Variants in SLC35F3 observed in about 807,000 individuals in gnomAD.
The protein encoded by SLC35F3 is putative thiamine transporter SLC35F3.
Under a neutral mutation model 49.9 loss-of-function variants are expected in SLC35F3, and 25 were observed. The ratio of observed to expected loss-of-function variants is 0.50; its 90% CI spans 0.37 to 0.70. The LOEUF is 0.70. Among genes scored for constraint, SLC35F3 ranks in the 30% least tolerant of loss-of-function variants. The pLI is 0.00. For missense variants in SLC35F3, 525 were observed against 639.8 expected, an observed-to-expected ratio of 0.82 and a Z score of 1.94; for synonymous variants, 275 against 265.4, an observed-to-expected ratio of 1.04 and a Z score of -0.35.
intron 2 of SLC35F3, among the ~76,000 whole-genome samples, chr1:234,099,340 T>C (rs1665179451): frequency 6.6e-6 from 1 of 152,148 alleles, no homozygotes; most frequent in African/African-American, 2.4e-5. Context: ...GGCCGTGCGC[T>C]GTGGCTCACG....
intron 2 of SLC35F3, among the ~76,000 whole-genome samples, chr1:234,115,278 C>G (rs1462663270): frequency 1.3e-5 from 2 of 152,204 alleles, no homozygotes; most frequent in African/African-American, 2.4e-5. Context: ...ATTGCTGCCC[C>G]TTTTACTCCT....
At chr1:233,976,386 T>C (rs559254280) in intron 2 of SLC35F3, among the ~76,000 whole-genome samples, 1 of 152,340 alleles carries the variant, frequency 6.6e-6, no homozygotes, top group East Asian at 1.9e-4. Context: ...TACGCAAAAG[T>C]AGGGAGCAGA....
chr1:233,952,496 GT>G (rs1662624532), intron 2 of SLC35F3, among the ~76,000 whole-genome samples: 1 of 152,114 alleles, frequency 6.6e-6, no homozygotes, highest in Admixed American at 6.5e-5. Context: ...ATAAACTGTG[GT>G]TTTTCATAGG....
intron 2 of SLC35F3, among the ~76,000 whole-genome samples, chr1:234,001,157 T>C (rs536171106): frequency 4.7e-4 from 72 of 152,298 alleles, no homozygotes; most frequent in Middle Eastern, 3.4e-3. Flanking sequence ...TGGACCAAGA[T>C]GGATGGCAAG....
chr1:234,180,704 A>G (rs986472333), intron 2 of SLC35F3, among the ~76,000 whole-genome samples: 31 of 152,360 alleles, frequency 2.0e-4, no homozygotes, highest in African/African-American at 6.7e-4. Flanking sequence ...TTTGAATCCC[A>G]TAACGTTTAG....
rs1482327653 is a variant in SLC35F3 at position 234,172,768 on chromosome 1, G to T, written c.284-58649G>T. On this transcript the variant is annotated intron_variant, in intron 2 of 7. Coordinates refer to ENST00000366618, the MANE Select transcript of SLC35F3 (RefSeq NM_173508.4). ...TTGTAACACAATGGCAAGTATTTGT[G>T]TCTCTAAACATATCTAAATGTAGAA... Among the ~76,000 whole-genome samples, 3 of 152,296 alleles carry T rather than the reference G, an allele frequency of 2.0e-5. No homozygotes were observed. The East Asian group carries it at 5.8e-4, about 29-fold the overall frequency.
intron 2 of SLC35F3, among the ~76,000 whole-genome samples, chr1:233,950,667 A>T (rs935628294): frequency 3.9e-5 from 6 of 152,016 alleles, no homozygotes; most frequent in Non-Finnish European, 7.4e-5. Flanking sequence ...CAAAAATGGC[A>T]GAGAAAAACA....
chr1:234,117,790 G>T (rs2102891227), intron 2 of SLC35F3, among the ~76,000 whole-genome samples: 1 of 151,270 alleles, frequency 6.6e-6, no homozygotes, highest in African/African-American at 2.4e-5. Context: ...GGAGGCTGAG[G>T]CAGGAGAATG....
chr1:234,112,255 G>A (rs1321749623), intron 2 of SLC35F3, among the ~76,000 whole-genome samples: 2 of 152,204 alleles, frequency 1.3e-5, no homozygotes, highest in East Asian at 3.9e-4. Context: ...GGAGGCTGAG[G>A]TAGGAGGATT....
chr1:234,216,130 C>G (rs1208965343), intron 2 of SLC35F3, among the ~76,000 whole-genome samples: 1 of 152,200 alleles, frequency 6.6e-6, no homozygotes, highest in Non-Finnish European at 1.5e-5. Context: ...TAAGCCTACC[C>G]AGACATTGCC....
At chr1:233,929,658 G>A (rs1662211855) in intron 2 of SLC35F3, among the ~76,000 whole-genome samples, 1 of 152,168 alleles carries the variant, frequency 6.6e-6, no homozygotes, top group Non-Finnish European at 1.5e-5. Flanking sequence ...CTTTGGAAAT[G>A]AGAGGAATGA....
intron 2 of SLC35F3, among the ~76,000 whole-genome samples, chr1:234,127,443 G>A (rs1261181679): frequency 3.9e-5 from 6 of 152,120 alleles, no homozygotes; most frequent in African/African-American, 1.2e-4. Flanking sequence ...CTCTTACATC[G>A]TGTGCTGCCA....
chr1:233,920,218 G>A (rs1169716124), intron 2 of SLC35F3, among the ~76,000 whole-genome samples: 2 of 152,208 alleles, frequency 1.3e-5, no homozygotes, highest in Non-Finnish European at 2.9e-5. Flanking sequence ...AAGAAAAAGG[G>A]AGGTCACAGA....
chr1:234,162,598 C>T (rs896998407), intron 2 of SLC35F3, among the ~76,000 whole-genome samples: 1 of 152,010 alleles, frequency 6.6e-6, no homozygotes, highest in Non-Finnish European at 1.5e-5. Context: ...CTGCTCTCCC[C>T]AGCCCAGCCC....
chr1:234,298,831 T>A (rs1572141141), intron 3 of SLC35F3, among the ~76,000 whole-genome samples: 1 of 152,276 alleles, frequency 6.6e-6, no homozygotes, highest in East Asian at 1.9e-4. Context: ...ATTATAAAAG[T>A]TGGAGAAAAT....
chr1:234,281,623 G>C (rs1396751338), intron 3 of SLC35F3, among the ~76,000 whole-genome samples: 2 of 152,152 alleles, frequency 1.3e-5, no homozygotes, highest in East Asian at 3.8e-4. Context: ...ATAGAATCCT[G>C]AGACATACAT....
At chr1:234,168,773 C>T (rs921938501) in intron 2 of SLC35F3, among the ~76,000 whole-genome samples, 4 of 152,126 alleles carry the variant, frequency 2.6e-5, no homozygotes, top group East Asian at 1.9e-4. Context: ...GAAACCTAAC[C>T]GTGAAGAGGG....
chr1:233,972,126 GGCTGCAAATGT>G (rs1663005292), intron 2 of SLC35F3, among the ~76,000 whole-genome samples: 1 of 152,204 alleles, frequency 6.6e-6, no homozygotes, highest in South Asian at 2.1e-4. Context: ...TAAGGTTGCT[GGCTGCAAATGT>G]GTGATTGTCT....
chr1:234,138,171 A>G (rs1204039857), intron 2 of SLC35F3, among the ~76,000 whole-genome samples: 5 of 152,256 alleles, frequency 3.3e-5, no homozygotes, highest in African/African-American at 4.8e-5. Context: ...AGGTTACACT[A>G]TATAACATTG....
Sources: gnomAD v4.1 joint callset for allele counts (sites outside exome capture counted in the v4.1 genomes callset) on GRCh38, gnomAD v4.1.1 for gene constraint, MANE v1.5 for transcripts, NCBI Gene and HGNC (gene_info 2026-07-23, HGNC 2026-07-21) for gene names.